PCDHGB1: variants seen among roughly 807,000 people sequenced by gnomAD.
PCDHGB1 encodes protocadherin gamma subfamily B, 1.
Under a neutral mutation model 56.6 loss-of-function variants are expected in PCDHGB1, and 34 were observed. The ratio of observed to expected loss-of-function variants is 0.60; its 90% confidence interval spans 0.46 to 0.80. PCDHGB1 has a LOEUF of 0.80. Among genes scored for constraint, PCDHGB1 ranks in the 30% least tolerant of loss-of-function variants. PCDHGB1 has a pLI of 0.00. For missense variants in PCDHGB1, 1,278 were observed against 1,204.6 expected (o/e 1.06, Z -0.90); for synonymous variants, 561 against 505.9 (o/e 1.11, Z -1.46).
Position 141,383,152 on chromosome 5 carries a change from G to T in PCDHGB1, c.2409+30483G>T, listed in dbSNP as rs200500982. ...CCTGAACCAGCGCAGCGGCAGCTTG[G>T]TCACTGCGGGCAGGATAGACCGGGA... On this transcript the variant is annotated intron_variant, in intron 1 of 3. Coordinates refer to ENST00000523390, the MANE Select transcript of PCDHGB1 (RefSeq NM_018922.3). 3.1e-6 allele frequency: 5 copies of T among 1,614,006 alleles called. No homozygotes were observed. In the African/African-American group the frequency reaches 6.7e-5, roughly 22 times the overall value.
chr5:141,475,202 G>T (rs746895166), intron 1 of PCDHGB1, among the ~76,000 whole-genome samples: 38 of 152,086 alleles, frequency 2.5e-4, no homozygotes, highest in Non-Finnish European at 5.3e-4. Context: ...CAAGATCTTG[G>T]GAAAAGGATT....
Position 141,376,600 on chromosome 5 carries a change from G to C in PCDHGB1, c.2409+23931G>C, listed in dbSNP as rs1772879011. ...CTCATCAGCTAGATCGGCTGTTATAGAAGCGAACCTCTTTTGGTACAGGAA... is the reference window on the plus strand; with the variant it reads ...CTCATCAGCTAGATCGGCTGTTATACAAGCGAACCTCTTTTGGTACAGGAA... On this transcript the variant is annotated intron_variant, in intron 1 of 3. Transcript: ENST00000523390. The C allele has an allele frequency of 2.6e-6, 4 of 1,518,830 alleles. No homozygotes were observed. The African/African-American group carries it at 4.2e-5, about 16-fold the overall frequency. The allele number at this position is 1,518,830 out of a possible 1,614,324, so 94.1% of individuals were successfully genotyped here.
intron 1 of PCDHGB1, chr5:141,412,461 A>G (rs184499850): frequency 3.4e-4 from 52 of 152,338 alleles, no homozygotes; most frequent in African/African-American, 1.2e-3. Flanking sequence ...ACTATTCTAG[A>G]AGAGTACTTT....
Position 141,489,384 on chromosome 5 carries a change from T to C in PCDHGB1, c.2410-5423T>C, listed in dbSNP as rs2099686499. The stretch of plus-strand genomic sequence containing the variant: ...AGCCGGGGACGCTGGTGGGGAATGT[T>C]GCTCAGGATCTGGGCTTAAAGATGA... On this transcript the variant is annotated intron_variant, in intron 1 of 3. Transcript: ENST00000523390. The surrounding 1 kb of genome is among the most constrained non-coding windows in gnomAD (Gnocchi z 4.5). 1 of 1,613,986 alleles carries C rather than the reference T, an allele frequency of 6.2e-7. No individual in the cohort carries two copies. The highest frequency in any genetic ancestry group is 8.5e-7 in the Non-Finnish European group (1 of 1,179,842).
chr5:141,450,755 G>A (rs556795021), intron 1 of PCDHGB1, among the ~76,000 whole-genome samples: 8 of 152,040 alleles, frequency 5.3e-5, no homozygotes, highest in Admixed American at 1.3e-4. Context: ...CCAAAGTGCC[G>A]GGATTACAGG....
chr5:141,503,825 CA>C (rs2154593417), intron 2 of PCDHGB1, among the ~76,000 whole-genome samples: 1 of 152,186 alleles, frequency 6.6e-6, no homozygotes, highest in Non-Finnish European at 1.5e-5. Flanking sequence ...TGGGCAAAAC[CA>C]AAAGCAGGGA....
chr5:141,427,013 T>A, intron 1 of PCDHGB1: 2 of 456,846 alleles, frequency 4.4e-6, no homozygotes, highest in Non-Finnish European at 8.8e-6. Flanking sequence ...TTAGCCAGGA[T>A]GTATACAAAG....
At position 141,455,354 on chromosome 5, in the gene PCDHGB1, T is replaced by C. The variant is rs185319743; in HGVS notation, c.2410-39453T>C. ...TGGTTTTAAGGAGCGGAGAGTTTAA[T>C]AGGCAAGAAGGAAGGGAGAAGACAG... On this transcript the variant is annotated intron_variant, in intron 1 of 3. Coordinates refer to ENST00000523390, the MANE Select transcript of PCDHGB1 (RefSeq NM_018922.3). Among the ~76,000 whole-genome samples the C allele has an allele frequency of 1.7e-3, 263 of 152,180 alleles. 2 individuals are homozygous for C. The highest frequency in any genetic ancestry group is 3.0e-3 in the Non-Finnish European group (207 of 68,010).
At chr5:141,375,657 TGA>T in intron 1 of PCDHGB1, 1 of 1,614,192 alleles carries the variant, frequency 6.2e-7, no homozygotes, top group Non-Finnish European at 8.5e-7. Flanking sequence ...TATGAGCAGT[TGA>T]GAGACCTACA....
At chr5:141,422,721 G>A in intron 1 of PCDHGB1, 1 of 1,605,664 alleles carries the variant, frequency 6.2e-7, no homozygotes, top group East Asian at 2.2e-5. Flanking sequence ...ACACTGTCCA[G>A]GGGGTGCCTC....
rs1354510383 is a variant in PCDHGB1, at chr5:141,432,312, G to A, written c.2410-62495G>A. The A allele has an allele frequency of 5.6e-6, 9 of 1,614,132 alleles. No homozygotes were observed. The highest frequency in any genetic ancestry group is 7.6e-6 in the Non-Finnish European group (9 of 1,180,054). On this transcript the variant is annotated intron_variant, in intron 1 of 3. Transcript: ENST00000523390. The surrounding 1 kb of genome is among the most constrained non-coding windows in gnomAD (Gnocchi z 6.0). Reference sequence around the variant, plus strand: ...GACACTGGGGTACTGTATGCGCTGAGCTCCTTCGACTACGAGCAGTTCCGA... The same window carrying A: ...GACACTGGGGTACTGTATGCGCTGAACTCCTTCGACTACGAGCAGTTCCGA...
chr5:141,372,787 C>A (rs370329594), intron 1 of PCDHGB1: 229 of 1,603,212 alleles, frequency 1.4e-4, no homozygotes, highest in Non-Finnish European at 1.9e-4. Flanking sequence ...GAAATGCCTT[C>A]TAATTCAGGC....
intron 1 of PCDHGB1, chr5:141,419,499 G>A: frequency 6.2e-7 from 1 of 1,612,368 alleles, no homozygotes; most frequent in Non-Finnish European, 8.5e-7. Context: ...GCCAATGTGA[G>A]CCTGCGCGTG....
At chr5:141,366,316 TGCCGTG>T in intron 1 of PCDHGB1, 1 of 1,613,764 alleles carries the variant, frequency 6.2e-7, no homozygotes, top group African/African-American at 1.3e-5. Context: ...CGGTCACCGT[TGCCGTG>T]GCCGACAGGA....
rs1382395095 is a variant in PCDHGB1, at chr5:141,350,526, G to C, written c.266G>C (p.Arg89Pro). ...TTGTTAGTGAACGGTAGGATAGATCGAGAGAAGATTTGCGGAAGGAAACTT... is the reference window on the plus strand; with the variant it reads ...TTGTTAGTGAACGGTAGGATAGATCCAGAGAAGATTTGCGGAAGGAAACTT... ...GDLLVNGRIDREKICGRKLEC... is the reference protein window; with the variant it reads ...GDLLVNGRIDPEKICGRKLEC... Residue 89 changes from arginine to proline, a missense_variant, in exon 1 of 4, where the codon CGA (arginine) becomes CCA (proline). Coordinates refer to ENST00000523390, the MANE Select transcript of PCDHGB1 (RefSeq NM_018922.3). The C allele has an allele frequency of 1.2e-6, 2 of 1,614,020 alleles. No individual in the cohort carries two copies. Among genetic ancestry groups the C allele is most frequent in the Non-Finnish European group, 1.7e-6 (2 of 1,179,894 alleles).
chr5:141,492,425 C>T (rs1243599547), intron 1 of PCDHGB1, among the ~76,000 whole-genome samples: 1 of 152,254 alleles, frequency 6.6e-6, no homozygotes, highest in Non-Finnish European at 1.5e-5. Flanking sequence ...CTCCGCCGGG[C>T]TCAGGAGTAC....
rs75309884 is a variant in PCDHGB1, at chr5:141,382,670, T to C, written c.2409+30001T>C. On this transcript the variant is annotated intron_variant, in intron 1 of 3. Coordinates refer to ENST00000523390, the MANE Select transcript of PCDHGB1 (RefSeq NM_018922.3). ...TTAGTAAGGACTCACAGCGCCGCTG[T>C]TCACCAACCAGGGAAAAATGGTGCG... 662 of 433,180 alleles carry C rather than the reference T, an allele frequency of 1.5e-3. 2 individuals are homozygous for C. Among genetic ancestry groups the C allele is most frequent in the Non-Finnish European group, 2.1e-3 (522 of 246,008 alleles). 26.8% of individuals were successfully genotyped at this position (433,180 alleles called of 1,614,324 possible).
chr5:141,377,998 G>A (rs757547607), intron 1 of PCDHGB1: 3 of 152,116 alleles, frequency 2.0e-5, no homozygotes, highest in Non-Finnish European at 4.4e-5. Context: ...CTAAAGCTTG[G>A]CTCAAATAAG....
intron 1 of PCDHGB1, among the ~76,000 whole-genome samples, chr5:141,368,397 A>C (rs1389287908): frequency 1.3e-5 from 2 of 152,166 alleles, no homozygotes; most frequent in African/African-American, 4.8e-5. Flanking sequence ...ACACACAAAC[A>C]CACATACATA....
Sources: allele counts gnomAD v4.1 joint callset (sites outside exome capture counted in the v4.1 genomes callset), GRCh38; gene constraint gnomAD v4.1.1; non-coding constraint Gnocchi (gnomAD v3.1); transcripts MANE v1.5; gene names NCBI Gene and HGNC (gene_info 2026-07-23, HGNC 2026-07-21).